Variants in EZH2 observed in about 807,000 individuals in gnomAD.
The protein encoded by EZH2 is histone-lysine N-methyltransferase EZH2.
Under a neutral mutation model 98.4 loss-of-function variants are expected in EZH2, and 18 were observed. That is an observed-to-expected ratio of 0.18 (90% confidence interval 0.13 to 0.27). The LOEUF (loss-of-function observed/expected upper bound fraction) is 0.27. EZH2 is among the 10% of genes least tolerant of loss of function. The pLI is 1.00. For missense variants in EZH2, 470 were observed against 935.1 expected, an observed-to-expected ratio of 0.50 and a Z score of 6.49; for synonymous variants, 338 against 312.3, an observed-to-expected ratio of 1.08 and a Z score of -0.87.
chr7:148,850,940 C>T (rs746023126), intron 1 of EZH2, among the ~76,000 whole-genome samples: 4 of 152,094 alleles, frequency 2.6e-5, no homozygotes, highest in East Asian at 1.9e-4. Context: ...ACAAAAGTTA[C>T]GTAGCTAGAG....
At chr7:148,837,230 A>C (rs960247292) in intron 3 of EZH2, among the ~76,000 whole-genome samples, 3 of 152,236 alleles carry the variant, frequency 2.0e-5, no homozygotes, top group Non-Finnish European at 2.9e-5. Flanking sequence ...GAAAACATAC[A>C]ATCAATTAGC....
chr7:148,873,300 T>C (rs989970715), intron 1 of EZH2, among the ~76,000 whole-genome samples: 1 of 152,082 alleles, frequency 6.6e-6, no homozygotes, highest in Non-Finnish European at 1.5e-5. Flanking sequence ...AAGACCAGTC[T>C]GGCCAACATA....
rs2129471815 is a variant in EZH2, at chr7:148,818,077, C to T, written c.1040G>A (p.Arg347Gln). The change falls in exon 10 of 20, where the codon CGG becomes CAG. Residue 347 changes from arginine to glutamine, a missense_variant. Coordinates refer to ENST00000320356, the MANE Select transcript of EZH2 (RefSeq NM_004456.5). ...TGGACGTTTTGGTGGGGTCTTTATC[C>T]GCTCAGCGGTGAGAGCAGCAGCAAA... is the stretch of plus-strand genomic sequence containing the variant. ...KEFAAALTAE[R>Q]IKTPPKRPGG... 2 of 1,611,584 alleles carry T rather than the reference C, an allele frequency of 1.2e-6. No individual in the cohort carries two copies. Among genetic ancestry groups the T allele is most frequent in the Non-Finnish European group, 8.5e-7 (1 of 1,178,878 alleles).
chr7:148,819,059 G>C (rs1805302172), intron 9 of EZH2: 1 of 456,370 alleles, frequency 2.2e-6, no homozygotes, highest in Non-Finnish European at 4.4e-6. Flanking sequence ...GGTAGGAGTG[G>C]CTTGGTTCAA....
Position 148,814,127 on chromosome 7 carries a change from G to A in EZH2, c.1683C>T (p.Arg561=). 3.1e-6 allele frequency: 5 copies of A among 1,613,138 alleles called. No individual in the cohort carries two copies. The highest frequency in any genetic ancestry group is 1.1e-5 in the South Asian group (1 of 90,772). The change falls in exon 15 of 20, where the codon CGC becomes CGT. Residue 561 remains arginine, a synonymous_variant. Transcript: ENST00000320356. ...FCQCSSECQN[R]FPGCRCKAQC... ...GTGCTTTGCAGCGGCATCCCGGAAA[G>A]CGGTTTTGACCTTCAGAGAGAGGTT...
At chr7:148,817,524 T>G in intron 10 of EZH2, 133 bp from the exon 11 acceptor site, 1 of 845,798 alleles carries the variant, frequency 1.2e-6, no homozygotes, top group Non-Finnish European at 1.8e-6. Context: ...CACTAACCCA[T>G]CGTAGTTCAC....
intron 1 of EZH2, among the ~76,000 whole-genome samples, chr7:148,870,772 T>C (rs1258431837): frequency 1.3e-5 from 2 of 150,990 alleles, no homozygotes; most frequent in African/African-American, 2.4e-5. Flanking sequence ...TCTATAAAAA[T>C]GCAAAAATTA....
intron 6 of EZH2, among the ~76,000 whole-genome samples, chr7:148,828,335 T>C (rs568557425): frequency 2.0e-5 from 3 of 152,266 alleles, no homozygotes; most frequent in South Asian, 4.1e-4. Flanking sequence ...GCAAGTATTA[T>C]GCTTTTTTTT....
At chr7:148,841,578 G>C (rs1002151258) in intron 3 of EZH2, among the ~76,000 whole-genome samples, 5 of 152,116 alleles carry the variant, frequency 3.3e-5, no homozygotes, top group Admixed American at 3.3e-4. Flanking sequence ...TGCTCAAAAG[G>C]TTCATGAGAA....
intron 3 of EZH2, among the ~76,000 whole-genome samples, chr7:148,839,994 G>A (rs73158265): frequency 0.042 from 6,461 of 152,104 alleles, 220 homozygotes; most frequent in Admixed American, 0.099. Context: ...ATTAAGACAC[G>A]GTATAACCAA....
intron 1 of EZH2, among the ~76,000 whole-genome samples, chr7:148,859,536 A>AAC (rs771059027): frequency 1.8e-4 from 27 of 151,882 alleles, no homozygotes; most frequent in Middle Eastern, 3.4e-3. Context: ...CAACAACAAC[A>AAC]AAGTAAAATG....
chr7:148,819,374 A>T (rs1048365316), intron 9 of EZH2, among the ~76,000 whole-genome samples: 1 of 152,250 alleles, frequency 6.6e-6, no homozygotes, highest in African/African-American at 2.4e-5. Flanking sequence ...AATGTTGCTG[A>T]AGAGATAACA....
intron 1 of EZH2, among the ~76,000 whole-genome samples, chr7:148,860,220 A>C (rs1817466160): frequency 6.6e-6 from 1 of 152,174 alleles, no homozygotes; most frequent in South Asian, 2.1e-4. Context: ...CTGGGATTCC[A>C]ATCAACACTC....
rs1801902945 is a variant in EZH2 at position 148,807,821 on chromosome 7, A to C, written c.2196-115T>G. On this transcript the variant is annotated intron_variant, in intron 19 of 19. Coordinates refer to ENST00000320356, the MANE Select transcript of EZH2 (RefSeq NM_004456.5). ...GGTGCATTAAAATGTCTTTAAAAAA[A>C]AAAAAAAAAAAAAAACCCATCCAAT... The C allele has an allele frequency of 3.7e-5, 24 of 645,340 alleles. No homozygotes were observed. In the South Asian group the frequency reaches 4.4e-4, roughly 12 times the overall value. The allele number at this position is 645,340 out of a possible 1,614,324, so 40.0% of individuals were successfully genotyped here. A position where few individuals can be genotyped will look rare whatever the true frequency, so the allele number is the denominator to read the frequency against.
intron 8 of EZH2, among the ~76,000 whole-genome samples, chr7:148,823,636 T>A (rs1211386232): frequency 6.6e-6 from 1 of 151,674 alleles, no homozygotes; most frequent in African/African-American, 2.4e-5. Flanking sequence ...GAGACTTTAT[T>A]GTACACATTT....
At chr7:148,834,850 C>T (rs774958814) in intron 3 of EZH2, among the ~76,000 whole-genome samples, 6 of 152,132 alleles carry the variant, frequency 3.9e-5, no homozygotes, top group Non-Finnish European at 5.9e-5. Context: ...AGGCACTGTG[C>T]TAAGTGCTTG....
At chr7:148,870,979 A>G (rs1819287173) in intron 1 of EZH2, among the ~76,000 whole-genome samples, 1 of 152,210 alleles carries the variant, frequency 6.6e-6, no homozygotes, top group South Asian at 2.1e-4. Context: ...TATAATAGTC[A>G]TAAGGACAAA....
chr7:148,850,179 A>T (rs1357460695), intron 1 of EZH2, among the ~76,000 whole-genome samples: 2 of 151,858 alleles, frequency 1.3e-5, no homozygotes, highest in Non-Finnish European at 2.9e-5. Flanking sequence ...CCACCACGCC[A>T]GGCTAATTTT....
In EZH2 at chr7:148,832,651, G is replaced by A; in HGVS notation, c.346C>T (p.Leu116=). ...TTACATACCATAAAATTCTGCTGTAGGGGAGACCAAGAATACATTATGGGT... is the reference window on the plus strand; with the variant it reads ...TTACATACCATAAAATTCTGCTGTAAGGGAGACCAAGAATACATTATGGGT... ...SVPIMYSWSP[L]QQNFMVEDET... is the part of the protein sequence containing the mutation. Residue 116 remains leucine, a synonymous_variant, in exon 4 of 20, where the codon CTA becomes TTA. Coordinates refer to ENST00000320356, the MANE Select transcript of EZH2 (RefSeq NM_004456.5). 1 of 1,586,220 alleles carries A rather than the reference G, an allele frequency of 6.3e-7. No individual in the cohort carries two copies. The highest frequency in any genetic ancestry group is 8.6e-7 in the Non-Finnish European group (1 of 1,158,806).
Sources: allele counts gnomAD v4.1 joint callset (sites outside exome capture counted in the v4.1 genomes callset), GRCh38; gene constraint gnomAD v4.1.1; transcripts MANE v1.5; gene names NCBI Gene and HGNC (gene_info 2026-07-23, HGNC 2026-07-21).